Variants in REV3L observed in about 807,000 individuals in gnomAD.
REV3L encodes the protein DNA polymerase zeta catalytic subunit.
REV3L carries 69 observed loss-of-function variants against 299.4 expected under a neutral mutation model. The observed-to-expected ratio is 0.23, with a 90% CI of 0.19 to 0.28. The LOEUF (loss-of-function observed/expected upper bound fraction) is 0.28, where lower values mean the gene tolerates loss of function less well. Ranked by LOEUF, REV3L falls within the 10% of genes least tolerant of loss-of-function variation. The pLI, the probability that REV3L is intolerant of heterozygous loss-of-function variation, is 1.00. For synonymous variants in REV3L, 1,238 were observed against 1,271.4 expected (o/e 0.97, Z 0.56); for missense variants, 3,128 against 3,693.8 (o/e 0.85, Z 3.97).
At chr6:111,311,015 A>G in intron 29 of REV3L, 54 bp downstream of exon 29, 1 of 1,443,614 alleles carries the variant, frequency 6.9e-7, no homozygotes. Flanking sequence ...TGGGTCTTCT[A>G]GACCTGTGCA....
Position 111,434,292 on chromosome 6 carries a change from C to G in REV3L, c.140-17820G>C, listed in dbSNP as rs79568483. 1.6e-3 allele frequency among the ~76,000 whole-genome samples: 238 copies of G among 152,160 alleles called. 3 individuals are homozygous for G. Among genetic ancestry groups the G allele is most frequent in the African/African-American group, 5.2e-3 (215 of 41,518 alleles). On this transcript the variant is annotated intron_variant, in intron 1 of 31. Coordinates refer to ENST00000368802, the MANE Select transcript of REV3L (RefSeq NM_001372078.1). ...GACATGGTCTTATACTCAGAAAAGC[C>G]TGAGGAACTCAACCAAAAAAACTGT...
chr6:111,345,798 G>A (rs1161891889), intron 20 of REV3L, among the ~76,000 whole-genome samples: 1 of 150,466 alleles, frequency 6.6e-6, no homozygotes, highest in East Asian at 1.9e-4. Context: ...AATTTTTAAA[G>A]CAAATCCATA....
intron 5 of REV3L, among the ~76,000 whole-genome samples, chr6:111,391,169 G>A (rs1251302246): frequency 2.0e-5 from 3 of 151,196 alleles, no homozygotes; most frequent in African/African-American, 7.3e-5. Flanking sequence ...AGGTTCAAGC[G>A]ATTCTCCTGC....
At chr6:111,308,196 T>C (rs1487344449) in intron 30 of REV3L, 2 of 437,592 alleles carry the variant, frequency 4.6e-6, no homozygotes, top group Non-Finnish European at 4.6e-6. Flanking sequence ...TGATGGACAT[T>C]TGGGTTGGTT....
intron 1 of REV3L, among the ~76,000 whole-genome samples, chr6:111,461,246 T>C (rs944324323): frequency 2.6e-5 from 4 of 152,102 alleles, no homozygotes; most frequent in Non-Finnish European, 5.9e-5. Context: ...AAGACAGTGA[T>C]ATTTATAGCT....
Position 111,331,757 on chromosome 6 carries a change from G to C in REV3L, c.7953C>G (p.Thr2651=). The change falls in exon 24 of 32, where the codon ACC becomes ACG. Residue 2651 remains threonine (T), a synonymous_variant. Coordinates refer to ENST00000368802, the MANE Select transcript of REV3L (RefSeq NM_001372078.1). ...GTAAATCTGGAGGTACTCTCAGAGA[G>C]GTACAGCCAAATTTGAACTCATCAT... ...GKYDEFKFGC[T]SLRVPPDLLY... is the part of the protein sequence containing the mutation. 1 of 1,612,746 alleles carries C rather than the reference G, an allele frequency of 6.2e-7. No individual in the cohort carries two copies.
At chr6:111,480,899 T>C (rs1793556107) in intron 1 of REV3L, among the ~76,000 whole-genome samples, 1 of 148,828 alleles carries the variant, frequency 6.7e-6, no homozygotes, top group South Asian at 2.1e-4. Context: ...AAGGATTAAA[T>C]AGGAAATAGT....
rs143255461 is a variant in REV3L at position 111,374,141 on chromosome 6, T to C, written c.4214A>G (p.Asn1405Ser). The C allele has an allele frequency of 1.0e-4, 162 of 1,614,130 alleles. No homozygotes were observed. The highest frequency in any genetic ancestry group is 9.9e-4 in the Middle Eastern group (6 of 6,062). The change falls in exon 13 of 32, where the codon AAT (asparagine) becomes AGT (serine). Residue 1405 changes from asparagine to serine, a missense_variant. Physicochemically the swap from Asn to Ser is conservative, Grantham distance 46 (BLOSUM62 1). Coordinates refer to ENST00000368802, the MANE Select transcript of REV3L (RefSeq NM_001372078.1). ...TTGGTCCAGCTTTGATTCTAGGGAA[T>C]TGCGATATTCACTTAACTTTCCGAT... ...SSIGKLSEYR[N>S]SLESKLDQAY...
chr6:111,402,075 T>C (rs1783142530), intron 4 of REV3L, among the ~76,000 whole-genome samples: 1 of 151,946 alleles, frequency 6.6e-6, no homozygotes, highest in South Asian at 2.1e-4. Context: ...GTTCACACTA[T>C]TGCACTCCAG....
At chr6:111,469,478 T>C (rs192682717) in intron 1 of REV3L, among the ~76,000 whole-genome samples, 63 of 152,260 alleles carry the variant, frequency 4.1e-4, no homozygotes, top group African/African-American at 1.5e-3. Flanking sequence ...AGTTGGATAA[T>C]AGATTGTTGT....
At chr6:111,450,483 A>G (rs1226298323) in intron 1 of REV3L, among the ~76,000 whole-genome samples, 6 of 147,694 alleles carry the variant, frequency 4.1e-5, no homozygotes, top group Non-Finnish European at 7.5e-5. Flanking sequence ...TGTCTCAAAA[A>G]AAAAAAAAAA....
intron 26 of REV3L, among the ~76,000 whole-genome samples, chr6:111,318,626 CA>C (rs1289123111): frequency 2.0e-5 from 3 of 152,074 alleles, no homozygotes; most frequent in Non-Finnish European, 4.4e-5. Flanking sequence ...GGCTGGAGTG[CA>C]ATGGCGTGAT....
chr6:111,303,157 T>TTTTTTTTCTTTC (rs1771774445), intron 31 of REV3L, among the ~76,000 whole-genome samples: 1 of 92,974 alleles, frequency 1.1e-5, no homozygotes, highest in African/African-American at 4.5e-5. Context: ...TGAGGCTTTC[T>TTTTTTTTCTTTC]TTTCTTTCTT....
chr6:111,304,624 T>C (rs1772061075), intron 31 of REV3L, among the ~76,000 whole-genome samples: 1 of 151,878 alleles, frequency 6.6e-6, no homozygotes, highest in East Asian at 1.9e-4. Flanking sequence ...TTTTTTTTTT[T>C]TTTTTCGATC....
At position 111,367,099 on chromosome 6, in the gene REV3L, T is replaced by C; in HGVS notation, c.6673+16A>G. 2 of 1,526,630 alleles carry C rather than the reference T, an allele frequency of 1.3e-6. No homozygotes were observed. Among genetic ancestry groups the C allele is most frequent in the South Asian group, 1.3e-5 (1 of 76,810 alleles). The allele number at this position is 1,526,630 out of a possible 1,614,324, so 94.6% of individuals were successfully genotyped here. A position where few individuals can be genotyped will look rare whatever the true frequency, so the allele number is the denominator to read the frequency against. ...GAAGAACAATTATGGAGACTTCCTG[T>C]TATTTGTACACTTACCTGTTGATAA... On this transcript the variant is annotated intron_variant, in intron 14 of 31. Transcript: ENST00000368802.
At chr6:111,314,341 A>T (rs1773293043) in intron 27 of REV3L, among the ~76,000 whole-genome samples, 1 of 152,168 alleles carries the variant, frequency 6.6e-6, no homozygotes, top group Admixed American at 6.5e-5. Flanking sequence ...ACTCCCTTTA[A>T]ATCTAGAGAG....
At chr6:111,358,263 G>T (rs1167844209) in intron 17 of REV3L, among the ~76,000 whole-genome samples, 1 of 152,104 alleles carries the variant, frequency 6.6e-6, no homozygotes, top group Non-Finnish European at 1.5e-5. Context: ...ACTTATAGTG[G>T]TAAGATAAAC....
chr6:111,331,293 G>C (rs1775349594), intron 24 of REV3L, among the ~76,000 whole-genome samples: 1 of 151,688 alleles, frequency 6.6e-6, no homozygotes, highest in Non-Finnish European at 1.5e-5. Context: ...AAATAATGTA[G>C]AAGAACAACT....
intron 13 of REV3L, 115 bp from the exon 14 acceptor site, chr6:111,368,143 C>T (rs1286072258): frequency 4.9e-6 from 4 of 815,068 alleles, no homozygotes; most frequent in Admixed American, 2.9e-5. Flanking sequence ...CCATGTCTAT[C>T]TTCCCTGCCC....
Sources: gnomAD v4.1 joint callset for allele counts (sites outside exome capture counted in the v4.1 genomes callset) on GRCh38, gnomAD v4.1.1 for gene constraint, MANE v1.5 for transcripts, NCBI Gene and HGNC (gene_info 2026-07-23, HGNC 2026-07-21) for gene names.